Variants in CYRIB observed in about 807,000 individuals in gnomAD.
CYRIB encodes CYFIP related Rac1 interactor B.
In CYRIB, 8 loss-of-function variants were observed where a neutral mutation model predicts 44.2. The ratio of observed to expected loss-of-function variants is 0.18; its 90% CI spans 0.11 to 0.33. The LOEUF (loss-of-function observed/expected upper bound fraction) is 0.33, where lower values mean the gene tolerates loss of function less well. CYRIB is among the 10% of genes least tolerant of loss of function. The pLI, the probability that CYRIB is intolerant of heterozygous loss-of-function variation, is 1.00. For synonymous variants in CYRIB, 131 were observed against 127.2 expected (o/e 1.03, Z -0.20); for missense variants, 185 against 382.8 (o/e 0.48, Z 4.31).
intron 5 of CYRIB, 51 bp downstream of exon 7, chr8:129,862,178 A>G: frequency 1.5e-6 from 2 of 1,326,898 alleles, no homozygotes; most frequent in Non-Finnish European, 2.2e-6. Flanking sequence ...TCTGGAATGA[A>G]TAAACATCTT....
chr8:130,010,492 G>A (rs980678129), intron 1 of CYRIB, among the ~76,000 whole-genome samples: 5 of 152,100 alleles, frequency 3.3e-5, no homozygotes, highest in Admixed American at 1.3e-4. Flanking sequence ...TCTGAGTATG[G>A]GGTTTCTGCT....
chr8:129,958,763 TAAA>T (rs532997313), intron 2 of CYRIB, among the ~76,000 whole-genome samples: 5 of 130,006 alleles, frequency 3.8e-5, no homozygotes, highest in Admixed American at 7.8e-5. Flanking sequence ...ACCACTGGTT[TAAA>T]AAAAAAAAAA....
intron 1 of CYRIB, among the ~76,000 whole-genome samples, chr8:129,907,895 G>A (rs913122469): frequency 6.6e-5 from 10 of 152,158 alleles, no homozygotes; most frequent in Non-Finnish European, 1.3e-4. Context: ...TCAGCTACTC[G>A]GGAAGCTGAG....
intron 4 of CYRIB, among the ~76,000 whole-genome samples, chr8:129,865,452 C>T (rs1182740871): frequency 1.3e-5 from 2 of 152,114 alleles, no homozygotes; most frequent in African/African-American, 4.8e-5. Context: ...ATACCTTAAC[C>T]CTATGTCGTG....
At chr8:129,977,571 A>G (rs1399772356) in intron 1 of CYRIB, among the ~76,000 whole-genome samples, 2 of 151,412 alleles carry the variant, frequency 1.3e-5, no homozygotes, top group African/African-American at 4.9e-5. Flanking sequence ...TCGCTCTGTC[A>G]CCCAGGCTGG....
chr8:129,974,818 C>T (rs2095848957), intron 1 of CYRIB, among the ~76,000 whole-genome samples: 1 of 150,958 alleles, frequency 6.6e-6, no homozygotes, highest in African/African-American at 2.4e-5. Context: ...CTCCTGGGCT[C>T]AAAGTGCTCC....
chr8:129,988,224 C>T (rs1308563550), intron 1 of CYRIB, among the ~76,000 whole-genome samples: 1 of 152,204 alleles, frequency 6.6e-6, no homozygotes, highest in East Asian at 1.9e-4. Context: ...TTCAGGGGTA[C>T]GTATCTTCCG....
At chr8:129,865,334 C>T (rs1415202538) in intron 4 of CYRIB, among the ~76,000 whole-genome samples, 1 of 152,162 alleles carries the variant, frequency 6.6e-6, no homozygotes, top group East Asian at 1.9e-4. Flanking sequence ...AATCTTACAG[C>T]TTTATTGGGG....
At chr8:129,873,069 A>G (rs1343823473) in intron 3 of CYRIB, among the ~76,000 whole-genome samples, 1 of 152,014 alleles carries the variant, frequency 6.6e-6, no homozygotes. Flanking sequence ...ACATTACCAA[A>G]TTTTAAACTC....
exon 12 of CYRIB, chr8:129,841,862 A>G (rs965630982): frequency 5.6e-5 from 17 of 300,966 alleles, no homozygotes; most frequent in Non-Finnish European, 9.1e-5. Flanking sequence ...TATTTAGTTC[A>G]AGTCACAGAA....
chr8:129,948,350 C>G (rs1439020098), intron 2 of CYRIB, among the ~76,000 whole-genome samples: 2 of 152,192 alleles, frequency 1.3e-5, no homozygotes, highest in Admixed American at 1.3e-4. Context: ...ACCATGCTGA[C>G]TGATGCTGTA....
At chr8:129,999,453 C>A (rs2395973) in intron 1 of CYRIB, among the ~76,000 whole-genome samples, 1 of 152,090 alleles carries the variant, frequency 6.6e-6, no homozygotes, top group Non-Finnish European at 1.5e-5. Flanking sequence ...CCCACGTGCG[C>A]CACGCACCCA....
chr8:129,989,438 TCAGA>T (rs1013065214), intron 1 of CYRIB, among the ~76,000 whole-genome samples: 25 of 152,306 alleles, frequency 1.6e-4, no homozygotes, highest in African/African-American at 5.8e-4. Context: ...AAGTTACTCC[TCAGA>T]CAATCTCTGA....
intron 1 of CYRIB, among the ~76,000 whole-genome samples, chr8:130,009,002 A>G: frequency 6.6e-6 from 1 of 152,198 alleles, no homozygotes; most frequent in East Asian, 1.9e-4. Context: ...CTGAGCACTC[A>G]CTGATGCTAG....
At chr8:129,991,924 C>T (rs1036599115) in intron 1 of CYRIB, among the ~76,000 whole-genome samples, 6 of 117,434 alleles carry the variant, frequency 5.1e-5, no homozygotes, top group Non-Finnish European at 8.0e-5. Context: ...GCACTCCAGC[C>T]TGGGCAACAG....
At chr8:129,908,027 G>A (rs1589385262) in intron 1 of CYRIB, among the ~76,000 whole-genome samples, 1 of 152,140 alleles carries the variant, frequency 6.6e-6, no homozygotes. Flanking sequence ...AGTAAATGGT[G>A]TTGAAATAAC....
upstream of CYRIB, among the ~76,000 whole-genome samples, chr8:129,940,413 G>A (rs2093599703): frequency 6.6e-6 from 1 of 152,206 alleles, no homozygotes; most frequent in Admixed American, 6.5e-5. Flanking sequence ...ACGCCCTTGG[G>A]TGGTGAAAAA....
Position 129,905,182 on chromosome 8 carries a change from TCA to T in CYRIB, c.-49-1834_-49-1833del, listed in dbSNP as rs1432717576. On this transcript the variant is annotated intron_variant, in intron 1 of 11. Coordinates refer to ENST00000519824, the Ensembl canonical transcript of CYRIB. ...TAATTTATTTATTTGAGACAGAGTC[TCA>T]CTCTGTCACCCAGGCTGGATTGATT... is the stretch of plus-strand genomic sequence containing the variant. 2.0e-5 allele frequency among the ~76,000 whole-genome samples: 3 copies of T among 149,206 alleles called. No individual in the cohort carries two copies. In the Admixed American group the frequency reaches 2.1e-4, roughly 10 times the overall value.
intron 10 of CYRIB, among the ~76,000 whole-genome samples, chr8:129,847,645 T>C (rs539500105): frequency 1.3e-5 from 2 of 152,186 alleles, no homozygotes; most frequent in African/African-American, 4.8e-5. Flanking sequence ...CGAAGTGTTA[T>C]GCCTGGCAGC....
Sources: allele counts gnomAD v4.1 joint callset (sites outside exome capture counted in the v4.1 genomes callset), GRCh38; gene constraint gnomAD v4.1.1; transcripts MANE v1.5; gene names NCBI Gene and HGNC (gene_info 2026-07-23, HGNC 2026-07-21).